The following MARCHF1 variants were observed in gnomAD, a reference collection of about 807,000 sequenced individuals.
MARCHF1 encodes membrane associated ring-CH-type finger 1, also known as E3 ubiquitin-protein ligase MARCHF1.
MARCHF1 carries 40 observed loss-of-function variants against 54.2 expected under a neutral mutation model. The ratio of observed to expected loss-of-function variants is 0.74; its 90% confidence interval spans 0.57 to 0.96. The LOEUF (loss-of-function observed/expected upper bound fraction) is 0.96, where lower values mean the gene tolerates loss of function less well. Among genes scored for constraint, MARCHF1 ranks in the 40% least tolerant of loss-of-function variants. The pLI, the probability that MARCHF1 is intolerant of heterozygous loss-of-function variation, is 0.00. For missense variants in MARCHF1, 586 were observed against 656.5 expected, an observed-to-expected ratio of 0.89 and a Z score of 1.17; for synonymous variants, 236 against 236.3, an observed-to-expected ratio of 1.00 and a Z score of 0.01.
chr4:164,139,126 G>A (rs1358583316), intron 1 of MARCHF1, among the ~76,000 whole-genome samples: 1 of 152,106 alleles, frequency 6.6e-6, no homozygotes, highest in Non-Finnish European at 1.5e-5. Flanking sequence ...ACAATATTTT[G>A]CAAAATTAGG....
At chr4:164,354,612 T>C (rs879547662) in intron 1 of MARCHF1, among the ~76,000 whole-genome samples, 173 of 146,698 alleles carry the variant, frequency 1.2e-3, no homozygotes, top group Middle Eastern at 6.8e-3. Flanking sequence ...TGGGACGTAT[T>C]TCAAAATAAT....
At chr4:163,651,701 T>A (rs1175141869) in intron 5 of MARCHF1, among the ~76,000 whole-genome samples, 7 of 151,958 alleles carry the variant, frequency 4.6e-5, no homozygotes, top group Non-Finnish European at 8.8e-5. Context: ...TATCATGATG[T>A]CTTTCCCTTT....
chr4:163,621,826 G>C (rs183928244), intron 5 of MARCHF1, among the ~76,000 whole-genome samples: 118 of 152,208 alleles, frequency 7.8e-4, no homozygotes, highest in African/African-American at 2.7e-3. Context: ...CAGAGGGTGT[G>C]GGGGTAGAGA....
intron 3 of MARCHF1, among the ~76,000 whole-genome samples, chr4:163,951,844 G>A (rs1007462743): frequency 6.6e-6 from 1 of 152,036 alleles, no homozygotes; most frequent in Non-Finnish European, 1.5e-5. Context: ...ATATATGAAG[G>A]TACCTTAGAA....
At chr4:163,920,985 G>C (rs569823883) in intron 3 of MARCHF1, among the ~76,000 whole-genome samples, 13 of 152,244 alleles carry the variant, frequency 8.5e-5, no homozygotes, top group African/African-American at 2.6e-4. Context: ...AACTTGTAAA[G>C]CTTTAGCAAT....
intron 7 of MARCHF1, among the ~76,000 whole-genome samples, chr4:163,604,214 C>G (rs67518107): frequency 0.32 from 48,922 of 151,950 alleles, 8,280 homozygotes; most frequent in Middle Eastern, 0.39. Context: ...TAGACCTTGC[C>G]TGTATCTCCC....
chr4:163,677,619 C>T (rs778282965), intron 5 of MARCHF1, among the ~76,000 whole-genome samples: 12 of 152,182 alleles, frequency 7.9e-5, no homozygotes, highest in Non-Finnish European at 1.5e-4. Flanking sequence ...TTTCCCCATA[C>T]TTCTCTGTGC....
chr4:163,732,368 T>C (rs1295788509), intron 4 of MARCHF1, among the ~76,000 whole-genome samples: 2 of 151,788 alleles, frequency 1.3e-5, no homozygotes, highest in Non-Finnish European at 2.9e-5. Context: ...AGAAAAAAGA[T>C]GGAAAAAAGA....
intron 2 of MARCHF1, among the ~76,000 whole-genome samples, chr4:164,080,438 TTTATTA>T (rs1164173318): frequency 6.6e-6 from 1 of 152,218 alleles, no homozygotes; most frequent in Non-Finnish European, 1.5e-5. Context: ...GTTATGTATC[TTTATTA>T]TATTTCCATT....
chr4:164,037,715 T>G (rs973536562), intron 2 of MARCHF1, among the ~76,000 whole-genome samples: 1 of 152,168 alleles, frequency 6.6e-6, no homozygotes, highest in Non-Finnish European at 1.5e-5. Context: ...GTTGGAGAAG[T>G]CTGACAAACA....
chr4:163,819,534 T>C (rs994080196), intron 4 of MARCHF1, among the ~76,000 whole-genome samples: 6 of 152,096 alleles, frequency 3.9e-5, no homozygotes, highest in African/African-American at 1.4e-4. Context: ...TTTGTCTCTT[T>C]GAAAAACTCT....
intron 3 of MARCHF1, among the ~76,000 whole-genome samples, chr4:163,928,409 A>G (rs1218400213): frequency 6.6e-6 from 1 of 151,930 alleles, no homozygotes; most frequent in Non-Finnish European, 1.5e-5. Flanking sequence ...AGGGAAGAAG[A>G]GCTAGGCGTG....
At chr4:164,200,520 CT>C (rs1424460241) in intron 1 of MARCHF1, among the ~76,000 whole-genome samples, 2 of 152,138 alleles carry the variant, frequency 1.3e-5, no homozygotes, top group Non-Finnish European at 2.9e-5. Flanking sequence ...TAAAATATGT[CT>C]TTGTCCTTTA....
At chr4:163,553,734 C>T (rs1458895455) in intron 8 of MARCHF1, among the ~76,000 whole-genome samples, 1 of 152,130 alleles carries the variant, frequency 6.6e-6, no homozygotes, top group African/African-American at 2.4e-5. Context: ...ACAGATTTCA[C>T]AAAAGGTTAA....
intron 1 of MARCHF1, among the ~76,000 whole-genome samples, chr4:164,122,543 T>G (rs562735155): frequency 6.6e-6 from 1 of 152,030 alleles, no homozygotes; most frequent in Non-Finnish European, 1.5e-5. Context: ...ACATCATACC[T>G]GATAGAACCA....
intron 2 of MARCHF1, among the ~76,000 whole-genome samples, chr4:164,053,140 G>T (rs774232435): frequency 8.5e-5 from 13 of 152,106 alleles, no homozygotes; most frequent in Non-Finnish European, 1.8e-4. Context: ...AGAACATTTT[G>T]TGATTTATAA....
chr4:163,999,116 C>G (rs1453184995), intron 2 of MARCHF1, among the ~76,000 whole-genome samples: 1 of 151,602 alleles, frequency 6.6e-6, no homozygotes, highest in African/African-American at 2.4e-5. Context: ...CATGTATATT[C>G]CTTCATCTTT....
chr4:164,270,090 C>G (rs181369352), intron 1 of MARCHF1, among the ~76,000 whole-genome samples: 1 of 152,076 alleles, frequency 6.6e-6, no homozygotes, highest in Non-Finnish European at 1.5e-5. Flanking sequence ...AGAAACTTTT[C>G]CCATTAGATG....
chr4:163,709,045 A>G (rs1745029446), intron 4 of MARCHF1, among the ~76,000 whole-genome samples: 1 of 152,188 alleles, frequency 6.6e-6, no homozygotes, highest in Non-Finnish European at 1.5e-5. Context: ...AATGAAATAG[A>G]TTATGTATAG....
Sources: allele counts gnomAD v4.1 joint callset (sites outside exome capture counted in the v4.1 genomes callset), GRCh38; gene constraint gnomAD v4.1.1; transcripts MANE v1.5; gene names NCBI Gene and HGNC (gene_info 2026-07-23, HGNC 2026-07-21).